The following SAMD5 variants were observed in gnomAD, a reference collection of about 807,000 sequenced individuals.
The protein encoded by SAMD5 is sterile alpha motif domain-containing protein 5.
Under a neutral mutation model 11.3 loss-of-function variants are expected in SAMD5, and 13 were observed. The observed-to-expected ratio is 1.15, with a 90% CI of 0.75 to 1.83. The LOEUF is 1.83. SAMD5 is among the 40% of genes most tolerant of loss of function. The probability of loss-of-function intolerance (pLI) is 0.00; values close to 1 mark genes in which losing one functional copy is unlikely to be tolerated. For missense variants in SAMD5, 255 were observed against 239.1 expected (o/e 1.07, Z -0.44); for synonymous variants, 129 against 111.3 (o/e 1.16, Z -1.00).
chr6:147,771,864 T>G, the SAMD5 span, among the ~76,000 whole-genome samples: 1 of 152,204 alleles, frequency 6.6e-6, no homozygotes, highest in African/African-American at 2.4e-5. Context: ...AAAATCAAAT[T>G]TGCCTAATCC....
the SAMD5 span, among the ~76,000 whole-genome samples, chr6:147,825,327 T>G: frequency 6.6e-6 from 1 of 152,018 alleles, no homozygotes; most frequent in Non-Finnish European, 1.5e-5. Context: ...AACAAAAAAC[T>G]TAGCTCCATG....
At chr6:147,801,229 C>T in the SAMD5 span, among the ~76,000 whole-genome samples, 2 of 152,084 alleles carry the variant, frequency 1.3e-5, no homozygotes, top group African/African-American at 4.8e-5. Context: ...AATGGTTTTA[C>T]TTTATGGAAT....
intron 1 of SAMD5, chr6:147,730,338 G>A (rs1320960472): frequency 3.5e-6 from 1 of 289,626 alleles, no homozygotes; most frequent in Non-Finnish European, 6.9e-6. Context: ...TAAAAGTGGG[G>A]AGAACAGTAT....
chr6:147,950,030 A>C, the SAMD5 span, among the ~76,000 whole-genome samples: 1 of 152,224 alleles, frequency 6.6e-6, no homozygotes, highest in African/African-American at 2.4e-5. Flanking sequence ...AGAAGGTATA[A>C]GACATGTCAG....
At chr6:147,509,580 G>C (rs898704247) in intron 1 of SAMD5, among the ~76,000 whole-genome samples, 193 bp downstream of exon 1, 1 of 152,040 alleles carries the variant, frequency 6.6e-6, no homozygotes, top group African/African-American at 2.4e-5. Context: ...TCCAGTGGTT[G>C]GTAAGACAAG....
the SAMD5 span, among the ~76,000 whole-genome samples, chr6:147,816,246 C>T: frequency 8.0e-6 from 1 of 124,792 alleles, no homozygotes; most frequent in East Asian, 2.4e-4. Flanking sequence ...TGCCATTGCA[C>T]TCCAGCTTGG....
At chr6:147,806,666 T>G in the SAMD5 span, among the ~76,000 whole-genome samples, 1 of 152,110 alleles carries the variant, frequency 6.6e-6, no homozygotes, top group Admixed American at 6.6e-5. Context: ...CTCTTAATGT[T>G]TTTTGCACCT....
At chr6:147,824,571 C>T in the SAMD5 span, among the ~76,000 whole-genome samples, 5 of 152,038 alleles carry the variant, frequency 3.3e-5, no homozygotes, top group Non-Finnish European at 7.4e-5. Context: ...GATCATTAAC[C>T]ACTTGGTTAA....
At chr6:147,790,994 T>A in the SAMD5 span, among the ~76,000 whole-genome samples, 19 of 152,046 alleles carry the variant, frequency 1.2e-4, no homozygotes, top group Admixed American at 3.9e-4. Flanking sequence ...TTTCTGCACA[T>A]CTGCATCTAT....
chr6:147,509,188 C>G lies in SAMD5; in HGVS notation c.260C>G (p.Ala87Gly). The G allele has an allele frequency of 7.8e-7, 1 of 1,282,996 alleles. No homozygotes were observed. The highest frequency in any genetic ancestry group is 9.8e-7 in the Non-Finnish European group (1 of 1,017,394). 79.5% of individuals were successfully genotyped at this position (1,282,996 alleles called of 1,614,324 possible). The change falls in exon 1 of 2, where the codon GCC (alanine) becomes GGC (glycine). Residue 87 changes from alanine (A) to glycine (G), a missense_variant. Transcript: ENST00000367474. Reference sequence around the variant, plus strand: ...CAGCCGGCGCCCCCCGGGCCGCCCGCCGACGCCGTCCCCACCGGCCGCCGG... The same window carrying G: ...CAGCCGGCGCCCCCCGGGCCGCCCGGCGACGCCGTCCCCACCGGCCGCCGG... ...EPQPAPPGPPADAVPTGRRGE... is the reference protein window; with the variant it reads ...EPQPAPPGPPGDAVPTGRRGE...
rs1224733338 is a variant in SAMD5 at position 147,567,950 on chromosome 6, A to G, written c.*3494A>G. ...CAAAACAAAACAAAACAAAACAGCA[A>G]ATTCATAAAGGCCAGCAGTTTTCAA... On this transcript the variant is annotated 3_prime_UTR_variant, in exon 2 of 2. Transcript: ENST00000367474. 4 of 985,566 alleles carry G rather than the reference A, an allele frequency of 4.1e-6. No homozygotes were observed. Among genetic ancestry groups the G allele is most frequent in the Non-Finnish European group, 4.8e-6 (4 of 830,140 alleles). The allele number at this position is 985,566 out of a possible 1,614,324, so 61.1% of individuals were successfully genotyped here.
the SAMD5 span, among the ~76,000 whole-genome samples, chr6:147,864,916 C>T: frequency 1.1e-3 from 164 of 152,258 alleles, no homozygotes; most frequent in African/African-American, 3.6e-3. Context: ...TTAAAACATT[C>T]TGGAGCCAAA....
intron 1 of SAMD5, among the ~76,000 whole-genome samples, chr6:147,597,875 C>T (rs1583100759): frequency 6.6e-6 from 1 of 152,152 alleles, no homozygotes; most frequent in Non-Finnish European, 1.5e-5. Flanking sequence ...CTGACCCATC[C>T]TGTCATCTGG....
the SAMD5 span, among the ~76,000 whole-genome samples, chr6:147,930,046 G>T: frequency 2.0e-5 from 3 of 152,112 alleles, no homozygotes; most frequent in African/African-American, 7.2e-5. Flanking sequence ...TAGACCTTTT[G>T]CTGCTTAGAA....
chr6:147,527,584 C>G (rs1343024280), intron 1 of SAMD5, among the ~76,000 whole-genome samples: 1 of 151,908 alleles, frequency 6.6e-6, no homozygotes, highest in East Asian at 1.9e-4. Context: ...GGCCCCTGAC[C>G]CCTCCCCAAA....
the SAMD5 span, among the ~76,000 whole-genome samples, chr6:147,946,181 G>T: frequency 1.3e-5 from 2 of 152,106 alleles, no homozygotes; most frequent in African/African-American, 4.8e-5. Flanking sequence ...TTTTCTCCAT[G>T]AATCCTTTCT....
chr6:147,600,863 T>G (rs1789604257), intron 1 of SAMD5, among the ~76,000 whole-genome samples: 1 of 152,214 alleles, frequency 6.6e-6, no homozygotes, highest in Non-Finnish European at 1.5e-5. Context: ...ATCAGCTTCC[T>G]TAAGGAAATC....
chr6:147,883,984 C>T, the SAMD5 span, among the ~76,000 whole-genome samples: 1 of 152,074 alleles, frequency 6.6e-6, no homozygotes, highest in African/African-American at 2.4e-5. Flanking sequence ...CTTTTAGTCT[C>T]TGAGCCACTC....
chr6:147,949,612 C>T, the SAMD5 span, among the ~76,000 whole-genome samples: 1,471 of 152,264 alleles, frequency 9.7e-3, 16 homozygotes, highest in African/African-American at 0.034. Flanking sequence ...TTTCTGCCAG[C>T]AAACTTATCT....
Sources: allele counts gnomAD v4.1 joint callset (sites outside exome capture counted in the v4.1 genomes callset), GRCh38; gene constraint gnomAD v4.1.1; transcripts MANE v1.5; gene names NCBI Gene and HGNC (gene_info 2026-07-23, HGNC 2026-07-21).